Variants in BCKDHB observed in about 807,000 individuals in gnomAD.
BCKDHB encodes 2-oxoisovalerate dehydrogenase subunit beta, mitochondrial.
A neutral mutation model predicts 48.5 loss-of-function variants in BCKDHB; 41 were observed. The observed-to-expected ratio is 0.85, with a 90% CI of 0.66 to 1.10. BCKDHB has a LOEUF of 1.10. Ranked by LOEUF, BCKDHB falls within the 50% of genes least tolerant of loss-of-function variation. The pLI is 0.00. For missense variants in BCKDHB, 496 were observed against 494.2 expected (o/e 1.00, Z -0.03); for synonymous variants, 201 against 174.8 (o/e 1.15, Z -1.18).
the BCKDHB span, among the ~76,000 whole-genome samples, chr6:80,460,918 C>T: frequency 1.3e-5 from 2 of 152,252 alleles, no homozygotes; most frequent in Non-Finnish European, 2.9e-5. Context: ...TCCTTGGCAT[C>T]TGAGATTCCT....
chr6:80,265,587 T>C (rs1038187439), intron 8 of BCKDHB, among the ~76,000 whole-genome samples: 18 of 152,080 alleles, frequency 1.2e-4, no homozygotes, highest in Non-Finnish European at 2.4e-4. Flanking sequence ...TACAGAGTTT[T>C]GCTAGGGAAG....
chr6:80,121,810 T>G (rs1274378933), intron 1 of BCKDHB, among the ~76,000 whole-genome samples: 1 of 152,194 alleles, frequency 6.6e-6, no homozygotes, highest in East Asian at 1.9e-4. Context: ...ACAGGGACAA[T>G]TTTACTTCCT....
intron 1 of BCKDHB, among the ~76,000 whole-genome samples, chr6:80,122,451 C>T (rs370294887): frequency 3.3e-5 from 5 of 152,104 alleles, no homozygotes; most frequent in African/African-American, 1.2e-4. Flanking sequence ...AATATTTTAA[C>T]GTAGGTTCTT....
chr6:80,214,762 C>A (rs1329850823), intron 8 of BCKDHB, among the ~76,000 whole-genome samples: 2 of 152,050 alleles, frequency 1.3e-5, no homozygotes, highest in East Asian at 3.9e-4. Flanking sequence ...TATAATGTAA[C>A]CTAAATGGTT....
chr6:80,118,057 T>A (rs1462524496), intron 1 of BCKDHB, among the ~76,000 whole-genome samples: 2 of 152,198 alleles, frequency 1.3e-5, no homozygotes, highest in Non-Finnish European at 2.9e-5. Context: ...GTCAGTGGGA[T>A]GTCACTGTGA....
intron 4 of BCKDHB, 88 bp from the exon 5 acceptor site, chr6:80,168,787 A>AGGG: frequency 9.2e-7 from 1 of 1,085,304 alleles, no homozygotes; most frequent in Non-Finnish European, 1.3e-6. Context: ...GAAGGGAAGG[A>AGGG]AGGAAGGGAG....
the BCKDHB span, among the ~76,000 whole-genome samples, chr6:80,442,221 C>A: frequency 2.0e-5 from 3 of 152,060 alleles, no homozygotes; most frequent in African/African-American, 7.2e-5. Flanking sequence ...CCTACAGGGT[C>A]TTTTAGATCA....
the BCKDHB span, among the ~76,000 whole-genome samples, chr6:80,363,284 A>G: frequency 4.6e-4 from 70 of 152,178 alleles, no homozygotes; most frequent in Admixed American, 3.8e-3. Context: ...CAACGTCCCT[A>G]TTCTTTTCAT....
At chr6:80,386,991 A>C in the BCKDHB span, among the ~76,000 whole-genome samples, 3 of 152,082 alleles carry the variant, frequency 2.0e-5, no homozygotes, top group Non-Finnish European at 4.4e-5. Context: ...TCCCCCCCCA[A>C]GGAGACCTCC....
intron 9 of BCKDHB, among the ~76,000 whole-genome samples, chr6:80,339,537 G>A (rs569606534): frequency 4.6e-4 from 70 of 152,174 alleles, no homozygotes; most frequent in Middle Eastern, 3.4e-3. Context: ...TTCTTTTCTG[G>A]CTATAATGTG....
At chr6:80,337,635 A>G (rs1225436756) in intron 9 of BCKDHB, among the ~76,000 whole-genome samples, 1 of 151,790 alleles carries the variant, frequency 6.6e-6, no homozygotes, top group Non-Finnish European at 1.5e-5. Context: ...TTATATTTAT[A>G]ATTTAGTCCT....
chr6:80,342,571 AAAAAAAAAGAAAG>A (rs1378583835), intron 9 of BCKDHB, among the ~76,000 whole-genome samples: 4 of 146,064 alleles, frequency 2.7e-5, no homozygotes, highest in South Asian at 2.1e-4. Context: ...AAAAAAAAAA[AAAAAAAAAGAAAG>A]GGAAGAAAGG....
intron 8 of BCKDHB, among the ~76,000 whole-genome samples, chr6:80,220,865 G>A (rs1398271561): frequency 1.3e-5 from 2 of 151,230 alleles, no homozygotes; most frequent in African/African-American, 4.9e-5. Flanking sequence ...CTCCCAAGTA[G>A]CTGGGATTAC....
chr6:80,218,550 C>G (rs770317381), intron 8 of BCKDHB, among the ~76,000 whole-genome samples: 11 of 152,028 alleles, frequency 7.2e-5, no homozygotes, highest in Non-Finnish European at 1.3e-4. Context: ...GCTTGCATTC[C>G]CTGCTGTCTT....
intron 3 of BCKDHB, among the ~76,000 whole-genome samples, chr6:80,165,724 C>T (rs1029816555): frequency 1.3e-5 from 2 of 152,138 alleles, no homozygotes; most frequent in African/African-American, 2.4e-5. Flanking sequence ...TCGAATGGAT[C>T]GTCTAAAGGG....
the BCKDHB span, among the ~76,000 whole-genome samples, chr6:80,395,781 G>A: frequency 6.6e-6 from 1 of 152,172 alleles, no homozygotes; most frequent in South Asian, 2.1e-4. Flanking sequence ...GGCCGAGGAG[G>A]GAAAAATGGT....
At chr6:80,289,132 C>G (rs1293646386) in intron 9 of BCKDHB, among the ~76,000 whole-genome samples, 1 of 152,104 alleles carries the variant, frequency 6.6e-6, no homozygotes, top group African/African-American at 2.4e-5. Flanking sequence ...TATTTCCTTG[C>G]TTTTTGTGAG....
Position 80,179,018 on chromosome 6 carries a change from A to T in BCKDHB, c.742+7628A>T, listed in dbSNP as rs568674194. Reference sequence around the variant, plus strand: ...TTTAAAAGTTTCCCACATAATTAAAATGATCTTATTTTTTATTTTTTCGAG... The same window carrying T: ...TTTAAAAGTTTCCCACATAATTAAATTGATCTTATTTTTTATTTTTTCGAG... On this transcript the variant is annotated intron_variant, in intron 6 of 9. Coordinates refer to ENST00000320393, the MANE Select transcript of BCKDHB (RefSeq NM_183050.4). Among the ~76,000 whole-genome samples the T allele has an allele frequency of 6.9e-4, 105 of 152,236 alleles. 1 individual carries two copies. The highest frequency in any genetic ancestry group is 2.5e-3 in the African/African-American group (102 of 41,554).
At chr6:80,415,323 G>T in the BCKDHB span, among the ~76,000 whole-genome samples, 10 of 151,958 alleles carry the variant, frequency 6.6e-5, no homozygotes, top group South Asian at 2.1e-4. Flanking sequence ...GTGAGAGGGC[G>T]TCCTCATCTT....
Sources: allele counts gnomAD v4.1 joint callset (sites outside exome capture counted in the v4.1 genomes callset), GRCh38; gene constraint gnomAD v4.1.1; transcripts MANE v1.5; gene names NCBI Gene and HGNC (gene_info 2026-07-23, HGNC 2026-07-21).